The following ERBB4 variants were observed in gnomAD, a reference collection of about 807,000 sequenced individuals.
The protein encoded by ERBB4 is receptor tyrosine-protein kinase erbB-4.
Under a neutral mutation model 158.0 loss-of-function variants are expected in ERBB4, and 42 were observed. The ratio of observed to expected loss-of-function variants is 0.27; its 90% CI spans 0.21 to 0.34. ERBB4 has a LOEUF of 0.34. Among genes scored for constraint, ERBB4 ranks in the 10% least tolerant of loss-of-function variants. The pLI is 1.00. For synonymous variants in ERBB4, 583 were observed against 558.7 expected, an observed-to-expected ratio of 1.04 and a Z score of -0.61; for missense variants, 1,333 against 1,624.1, an observed-to-expected ratio of 0.82 and a Z score of 3.08.
intron 1 of ERBB4, among the ~76,000 whole-genome samples, chr2:212,440,361 A>G (rs1338775566): frequency 6.6e-6 from 1 of 152,210 alleles, no homozygotes; most frequent in Non-Finnish European, 1.5e-5. Flanking sequence ...ACTTTCTCCC[A>G]TGCTGGATGC....
intron 2 of ERBB4, among the ~76,000 whole-genome samples, chr2:212,097,357 G>A (rs1461905965): frequency 6.6e-6 from 1 of 152,094 alleles, no homozygotes; most frequent in Non-Finnish European, 1.5e-5. Flanking sequence ...ATAAAGAAGA[G>A]GGTAACAGAT....
intron 3 of ERBB4, among the ~76,000 whole-genome samples, chr2:211,879,757 T>C (rs933517854): frequency 6.6e-6 from 1 of 151,982 alleles, no homozygotes; most frequent in Non-Finnish European, 1.5e-5. Flanking sequence ...ATCAGAGAGT[T>C]TGGTTAAGTG....
intron 1 of ERBB4, among the ~76,000 whole-genome samples, chr2:212,374,058 C>G (rs62184096): frequency 1.2e-5 from 1 of 84,614 alleles, no homozygotes; most frequent in African/African-American, 3.8e-5. Flanking sequence ...ATATATATAT[C>G]CATATATATC....
At chr2:212,113,573 CAAAAAAAAAAAAAAAAAAA>C (rs35545899) in intron 2 of ERBB4, among the ~76,000 whole-genome samples, 2 of 64,246 alleles carry the variant, frequency 3.1e-5, no homozygotes, top group Admixed American at 2.5e-4. Flanking sequence ...GACTCCATCT[CAAAAAAAAAAAAAAAAAAA>C]AAAAAAAAAA....
chr2:212,040,306 A>G (rs1464930586), intron 2 of ERBB4, among the ~76,000 whole-genome samples: 1 of 151,728 alleles, frequency 6.6e-6, no homozygotes, highest in Non-Finnish European at 1.5e-5. Context: ...TGAATAGAAA[A>G]ATTTTAGTAG....
At chr2:212,294,682 T>C (rs533813099) in intron 1 of ERBB4, among the ~76,000 whole-genome samples, 2 of 152,056 alleles carry the variant, frequency 1.3e-5, no homozygotes, top group Non-Finnish European at 2.9e-5. Flanking sequence ...AATTCCAAAA[T>C]GTTTAATACT....
chr2:212,109,609 T>C (rs1256396367), intron 2 of ERBB4, among the ~76,000 whole-genome samples: 3 of 152,158 alleles, frequency 2.0e-5, no homozygotes, highest in Non-Finnish European at 4.4e-5. Flanking sequence ...ATAGTCCAAA[T>C]GAAGTCTGAG....
chr2:211,987,284 A>T (rs1314272130), intron 2 of ERBB4, among the ~76,000 whole-genome samples: 2 of 143,258 alleles, frequency 1.4e-5, no homozygotes, highest in Non-Finnish European at 3.0e-5. Context: ...TCGTGCCACT[A>T]TACTCCAGCC....
At chr2:212,376,860 G>A (rs1210905791) in intron 1 of ERBB4, among the ~76,000 whole-genome samples, 1 of 151,968 alleles carries the variant, frequency 6.6e-6, no homozygotes, top group Admixed American at 6.6e-5. Context: ...AAGTTTTGAA[G>A]TCCCTTCCCA....
chr2:211,563,711 TATAG>T (rs1470082363), intron 19 of ERBB4, among the ~76,000 whole-genome samples: 1 of 152,180 alleles, frequency 6.6e-6, no homozygotes, highest in African/African-American at 2.4e-5. Context: ...CTGAAGTCTT[TATAG>T]ATGAACTATC....
At chr2:211,721,620 C>CATATATATATATATATATATATATATAT (rs71054137) in intron 7 of ERBB4, among the ~76,000 whole-genome samples, 17 of 131,872 alleles carry the variant, frequency 1.3e-4, no homozygotes, top group African/African-American at 3.1e-4. Context: ...TGCTATTAAA[C>CATATATATATATATATATATATATATAT]ATATATATAT....
At chr2:211,586,297 C>T (rs751260168) in intron 19 of ERBB4, among the ~76,000 whole-genome samples, 5 of 151,992 alleles carry the variant, frequency 3.3e-5, no homozygotes, top group Non-Finnish European at 7.4e-5. Context: ...ATCTCTTTAA[C>T]ATATAAAGAG....
chr2:211,416,758 G>A (rs2063401617), intron 25 of ERBB4, among the ~76,000 whole-genome samples: 1 of 151,200 alleles, frequency 6.6e-6, no homozygotes, highest in East Asian at 1.9e-4. Flanking sequence ...TAGTTATCCT[G>A]CCTATAGCTT....
At chr2:211,638,124 A>C (rs1448607103) in intron 16 of ERBB4, among the ~76,000 whole-genome samples, 2 of 151,440 alleles carry the variant, frequency 1.3e-5, no homozygotes, top group African/African-American at 2.4e-5. Context: ...TTTTAGCTTC[A>C]TTTTGTTTTC....
At chr2:211,493,216 T>C (rs896074606) in intron 20 of ERBB4, among the ~76,000 whole-genome samples, 1 of 152,122 alleles carries the variant, frequency 6.6e-6, no homozygotes, top group Non-Finnish European at 1.5e-5. Context: ...CTCTCAATTA[T>C]TTATACCATA....
intron 1 of ERBB4, among the ~76,000 whole-genome samples, chr2:212,460,733 A>T (rs915667146): frequency 1.3e-5 from 2 of 152,236 alleles, no homozygotes; most frequent in Non-Finnish European, 2.9e-5. Flanking sequence ...CCAACTGGAC[A>T]ATGCCATAGA....
chr2:211,893,433 G>T (rs996363620), intron 3 of ERBB4, among the ~76,000 whole-genome samples: 6 of 140,490 alleles, frequency 4.3e-5, no homozygotes, highest in African/African-American at 8.6e-5. Context: ...AGATTTAAAC[G>T]TTAGACCTAA....
At chr2:212,534,924 A>AGT (rs1384290650) in intron 1 of ERBB4, among the ~76,000 whole-genome samples, 1 of 152,200 alleles carries the variant, frequency 6.6e-6, no homozygotes, top group Non-Finnish European at 1.5e-5. Context: ...TCTTCCACAA[A>AGT]GTTCATGCTC....
At chr2:212,417,159 T>C (rs1427246484) in intron 1 of ERBB4, among the ~76,000 whole-genome samples, 2 of 152,074 alleles carry the variant, frequency 1.3e-5, no homozygotes, top group Non-Finnish European at 2.9e-5. Flanking sequence ...CTCATTTTAG[T>C]TTTACCTCGT....
Sources: allele counts gnomAD v4.1 joint callset (sites outside exome capture counted in the v4.1 genomes callset), GRCh38; gene constraint gnomAD v4.1.1; transcripts MANE v1.5; gene names NCBI Gene and HGNC (gene_info 2026-07-23, HGNC 2026-07-21).